FANCL: variants seen among roughly 807,000 people sequenced by gnomAD.
The protein encoded by FANCL is E3 ubiquitin-protein ligase FANCL.
A neutral mutation model predicts 59.4 loss-of-function variants in FANCL; 69 were observed. That is an observed-to-expected ratio of 1.16 (90% CI 0.96 to 1.42). The LOEUF is 1.42. Among genes scored for constraint, FANCL ranks in the 40% most tolerant of loss-of-function variants. FANCL has a pLI of 0.00. For synonymous variants in FANCL, 180 were observed against 147.1 expected, an observed-to-expected ratio of 1.22 and a Z score of -1.62; for missense variants, 519 against 447.2, an observed-to-expected ratio of 1.16 and a Z score of -1.45.
At chr2:58,208,878 G>A (rs1002662290) in intron 5 of FANCL, among the ~76,000 whole-genome samples, 2 of 152,088 alleles carry the variant, frequency 1.3e-5, no homozygotes, top group African/African-American at 4.8e-5. Flanking sequence ...CCTATCACCT[G>A]CATATAGAGA....
intron 5 of FANCL, among the ~76,000 whole-genome samples, chr2:58,205,557 A>G (rs1376110954): frequency 2.0e-5 from 3 of 152,112 alleles, no homozygotes; most frequent in African/African-American, 7.2e-5. Flanking sequence ...TGTTAAGCAC[A>G]TGCATTTATA....
chr2:58,196,544 T>A (rs1441160751), intron 7 of FANCL, among the ~76,000 whole-genome samples: 2 of 151,820 alleles, frequency 1.3e-5, no homozygotes, highest in Non-Finnish European at 2.9e-5. Context: ...TTTGAATTAA[T>A]ATTATTAATA....
intron 3 of FANCL, among the ~76,000 whole-genome samples, chr2:58,227,079 T>C (rs889490341): frequency 6.6e-6 from 1 of 152,198 alleles, no homozygotes; most frequent in Non-Finnish European, 1.5e-5. Flanking sequence ...CTGAATCCCT[T>C]GTCCCCCTTG....
chr2:58,230,811 G>A (rs1693512517), intron 2 of FANCL, among the ~76,000 whole-genome samples: 1 of 152,060 alleles, frequency 6.6e-6, no homozygotes, highest in South Asian at 2.1e-4. Context: ...TCCCTTTATT[G>A]TGGTATCCTT....
At chr2:58,180,399 A>G (rs1687812967) in intron 7 of FANCL, among the ~76,000 whole-genome samples, 1 of 152,186 alleles carries the variant, frequency 6.6e-6, no homozygotes, top group Non-Finnish European at 1.5e-5. Context: ...ATAAAAAAGG[A>G]TGAGTTCATG....
chr2:58,183,578 T>A (rs1688128252), intron 7 of FANCL, among the ~76,000 whole-genome samples: 1 of 151,978 alleles, frequency 6.6e-6, no homozygotes, highest in African/African-American at 2.4e-5. Flanking sequence ...TCATTGATTT[T>A]ATTCTAATCT....
intron 6 of FANCL, among the ~76,000 whole-genome samples, chr2:58,199,028 CAA>C (rs772182737): frequency 2.3e-4 from 14 of 61,180 alleles, no homozygotes; most frequent in Admixed American, 3.7e-4. Flanking sequence ...ATCTCCATCT[CAA>C]AAAAAAAAAA....
chr2:58,192,448 A>T (rs1225163742), intron 7 of FANCL, among the ~76,000 whole-genome samples: 1 of 151,948 alleles, frequency 6.6e-6, no homozygotes, highest in Non-Finnish European at 1.5e-5. Context: ...AAAGAAATGG[A>T]AAAGTTTTTT....
At chr2:58,162,738 A>C in intron 11 of FANCL, 128 bp downstream of exon 11, 1 of 808,938 alleles carries the variant, frequency 1.2e-6, no homozygotes, top group Non-Finnish European at 2.0e-6. Context: ...TTTTTGATGC[A>C]GATCAGAAGT....
intron 7 of FANCL, among the ~76,000 whole-genome samples, chr2:58,179,382 C>G (rs1168280177): frequency 2.0e-5 from 3 of 152,120 alleles, no homozygotes; most frequent in African/African-American, 7.2e-5. Flanking sequence ...GGTACCAAAA[C>G]AGAGATATAG....
rs765718795 is a variant in FANCL at position 58,229,817 on chromosome 2, T to C, written c.213A>G (p.Gln71=). The change falls in exon 3 of 14, where the codon CAA becomes CAG. Residue 71 remains glutamine, a synonymous_variant. Coordinates refer to ENST00000233741, the MANE Select transcript of FANCL (RefSeq NM_018062.4). ...TILSGYHRIV[Q]QRMQHSPDLM... ...AAACCTTTTAAAAAGGACTTACCTG[T>C]TGTACTATTCGATGGTATCCACTAA... 35 of 1,606,898 alleles carry C rather than the reference T, an allele frequency of 2.2e-5. No individual in the cohort carries two copies. Among genetic ancestry groups the C allele is most frequent in the Non-Finnish European group, 3.0e-5 (35 of 1,173,604 alleles).
At chr2:58,178,811 A>G (rs1028140946) in intron 7 of FANCL, among the ~76,000 whole-genome samples, 1 of 152,198 alleles carries the variant, frequency 6.6e-6, no homozygotes, top group African/African-American at 2.4e-5. Flanking sequence ...TGCAGATGAC[A>G]TGACTGTATA....
rs141366677 is a variant in FANCL, at chr2:58,171,620, T to C, written c.541-5746A>G. Among the ~76,000 whole-genome samples the C allele has an allele frequency of 3.4e-3, 523 of 152,090 alleles. 3 individuals carry two copies. Among genetic ancestry groups the C allele is most frequent in the South Asian group, 1.0e-2 (48 of 4,816 alleles). On this transcript the variant is annotated intron_variant, in intron 7 of 13. Transcript: ENST00000233741. ...TTGAAAAGAGTAACAAAATAGGGGA[T>C]TGGAGCCAAGATGGCCGAATAGGAA... is the stretch of plus-strand genomic sequence containing the variant.
At chr2:58,190,411 A>G (rs1185213996) in intron 7 of FANCL, among the ~76,000 whole-genome samples, 3 of 151,590 alleles carry the variant, frequency 2.0e-5, no homozygotes, top group Non-Finnish European at 4.4e-5. Context: ...CATGCTGAAA[A>G]TAAGTAGGTA....
chr2:58,169,071 G>T (rs551698494), intron 7 of FANCL, among the ~76,000 whole-genome samples: 32 of 152,298 alleles, frequency 2.1e-4, no homozygotes, highest in African/African-American at 7.5e-4. Flanking sequence ...AAGAGCAGCA[G>T]ATCTCCCACC....
chr2:58,219,173 T>A (rs13417441), intron 5 of FANCL, among the ~76,000 whole-genome samples: 1,407 of 35,354 alleles, frequency 0.04, 36 homozygotes, highest in Middle Eastern at 0.079. Flanking sequence ...AAAAAAAAAA[T>A]ATATATATAT....
At chr2:58,190,281 T>C (rs1030892439) in intron 7 of FANCL, among the ~76,000 whole-genome samples, 1 of 151,972 alleles carries the variant, frequency 6.6e-6, no homozygotes, top group Non-Finnish European at 1.5e-5. Flanking sequence ...TTTTCATTCA[T>C]GTGAAAAGGG....
chr2:58,162,771 T>C (rs1297279413), intron 11 of FANCL, 95 bp downstream of exon 11: 14 of 1,090,146 alleles, frequency 1.3e-5, no homozygotes, highest in Non-Finnish European at 2.0e-5. Context: ...ATTTTTCTAA[T>C]TCCCTCCTTT....
chr2:58,216,555 T>TTCC (rs1290629118), intron 5 of FANCL, among the ~76,000 whole-genome samples: 1 of 152,142 alleles, frequency 6.6e-6, no homozygotes, highest in Non-Finnish European at 1.5e-5. Flanking sequence ...AGAGACAAGA[T>TTCC]TTAAGATTTT....
Sources: allele counts gnomAD v4.1 joint callset (sites outside exome capture counted in the v4.1 genomes callset), GRCh38; gene constraint gnomAD v4.1.1; transcripts MANE v1.5; gene names NCBI Gene and HGNC (gene_info 2026-07-23, HGNC 2026-07-21).